CNTN1: variants seen among roughly 807,000 people sequenced by gnomAD.
CNTN1 encodes the protein contactin 1, also known as contactin-1.
Under a neutral mutation model 126.4 loss-of-function variants are expected in CNTN1, and 38 were observed. The observed-to-expected ratio is 0.30, with a 90% CI of 0.23 to 0.39. The LOEUF is 0.39. CNTN1 is among the 10% of genes least tolerant of loss of function. CNTN1 has a pLI of 1.00. For synonymous variants in CNTN1, 413 were observed against 422.6 expected (o/e 0.98, Z 0.28); for missense variants, 1,009 against 1,248.4 (o/e 0.81, Z 2.89).
At chr12:40,879,341 C>T (rs977173514) in intron 1 of CNTN1, among the ~76,000 whole-genome samples, 6 of 152,098 alleles carry the variant, frequency 3.9e-5, no homozygotes, top group African/African-American at 1.4e-4. Flanking sequence ...AAGTAAAGGC[C>T]ATTTCTCTGG....
intron 1 of CNTN1, among the ~76,000 whole-genome samples, chr12:40,805,497 A>C (rs1940815564): frequency 6.6e-6 from 1 of 152,098 alleles, no homozygotes; most frequent in Non-Finnish European, 1.5e-5. Flanking sequence ...CTTAAAAAAA[A>C]GTCTAGTACT....
At chr12:40,772,316 G>A (rs780868893) in intron 1 of CNTN1, among the ~76,000 whole-genome samples, 9 of 151,906 alleles carry the variant, frequency 5.9e-5, no homozygotes, top group Non-Finnish European at 4.4e-5. Flanking sequence ...AAGCAATCAC[G>A]CTCATTTGTT....
chr12:40,811,428 A>G (rs752949680), intron 1 of CNTN1, among the ~76,000 whole-genome samples: 2 of 152,156 alleles, frequency 1.3e-5, no homozygotes, highest in African/African-American at 4.8e-5. Flanking sequence ...CATTAAAATG[A>G]GTTTGAAAAT....
chr12:41,017,797 A>T (rs191491124), intron 19 of CNTN1, among the ~76,000 whole-genome samples: 98 of 152,242 alleles, frequency 6.4e-4, no homozygotes, highest in South Asian at 6.0e-3. Flanking sequence ...CTTGTTAAAA[A>T]TAATACCTTT....
At chr12:40,879,758 C>G (rs771254461) in intron 1 of CNTN1, among the ~76,000 whole-genome samples, 1 of 152,076 alleles carries the variant, frequency 6.6e-6, no homozygotes, top group Non-Finnish European at 1.5e-5. Context: ...ATGAAGTTCA[C>G]AGAGACACGT....
chr12:40,791,496 T>G (rs1009511111), intron 1 of CNTN1, among the ~76,000 whole-genome samples: 1 of 152,162 alleles, frequency 6.6e-6, no homozygotes, highest in African/African-American at 2.4e-5. Flanking sequence ...GATGAAGGGA[T>G]GTTGATTCAG....
chr12:40,773,989 G>A (rs1413374622), intron 1 of CNTN1, among the ~76,000 whole-genome samples: 12 of 151,234 alleles, frequency 7.9e-5, no homozygotes, highest in African/African-American at 2.9e-4. Context: ...TAAGCTCAAC[G>A]ACGGAAAAGA....
At chr12:40,951,748 A>G (rs1946695392) in intron 14 of CNTN1, among the ~76,000 whole-genome samples, 1 of 150,708 alleles carries the variant, frequency 6.6e-6, no homozygotes, top group African/African-American at 2.4e-5. Flanking sequence ...AAAAAGAAGA[A>G]AAGGAAAATG....
chr12:40,841,118 C>T (rs186707333), intron 1 of CNTN1, among the ~76,000 whole-genome samples: 28 of 151,954 alleles, frequency 1.8e-4, no homozygotes, highest in African/African-American at 6.3e-4. Flanking sequence ...GGATATATTA[C>T]AACAGATACC....
At chr12:41,066,945 A>G (rs1240828137) in intron 23 of CNTN1, among the ~76,000 whole-genome samples, 1 of 152,214 alleles carries the variant, frequency 6.6e-6, no homozygotes, top group Admixed American at 6.5e-5. Context: ...TGATTTGTTC[A>G]GGTTTAACAT....
At chr12:41,058,676 C>T (rs1000442865) in intron 23 of CNTN1, among the ~76,000 whole-genome samples, 3 of 152,020 alleles carry the variant, frequency 2.0e-5, no homozygotes, top group South Asian at 2.1e-4. Context: ...AAGGATGAGC[C>T]TTTTCAGAAA....
intron 16 of CNTN1, among the ~76,000 whole-genome samples, chr12:40,990,143 A>G (rs1277040993): frequency 6.6e-6 from 1 of 152,232 alleles, no homozygotes; most frequent in Non-Finnish European, 1.5e-5. Flanking sequence ...ATAACTATCT[A>G]CCAAAACATG....
chr12:40,812,946 T>G (rs1592114799), intron 1 of CNTN1, among the ~76,000 whole-genome samples: 1 of 139,628 alleles, frequency 7.2e-6, no homozygotes, highest in Non-Finnish European at 1.5e-5. Context: ...TTTGTTAATT[T>G]TTTTTTTTTT....
intron 1 of CNTN1, among the ~76,000 whole-genome samples, chr12:40,820,740 C>T (rs779187293): frequency 3.3e-5 from 5 of 152,238 alleles, no homozygotes; most frequent in South Asian, 4.1e-4. Flanking sequence ...AGAAGATTCA[C>T]GGGAAACCAT....
At chr12:41,044,928 A>G (rs1217966406) in intron 23 of CNTN1, among the ~76,000 whole-genome samples, 2 of 152,078 alleles carry the variant, frequency 1.3e-5, no homozygotes. Context: ...GGTTTGAGAA[A>G]CTTCGTTGTA....
intron 7 of CNTN1, among the ~76,000 whole-genome samples, chr12:40,933,108 C>T (rs1945952429): frequency 6.6e-6 from 1 of 151,728 alleles, no homozygotes; most frequent in East Asian, 1.9e-4. Flanking sequence ...TCTCCTTCTT[C>T]TCTTTCCTTC....
At chr12:40,911,248 T>C (rs1945019772) in intron 3 of CNTN1, among the ~76,000 whole-genome samples, 1 of 151,934 alleles carries the variant, frequency 6.6e-6, no homozygotes, top group African/African-American at 2.4e-5. Flanking sequence ...GCCCGGCTAA[T>C]TTTTTGTATT....
intron 1 of CNTN1, among the ~76,000 whole-genome samples, chr12:40,873,991 C>T (rs979786995): frequency 3.3e-5 from 5 of 152,078 alleles, no homozygotes; most frequent in African/African-American, 1.2e-4. Flanking sequence ...AAACCCATGT[C>T]TATTTGATTT....
At chr12:40,917,713 C>T (rs985884160) in intron 3 of CNTN1, among the ~76,000 whole-genome samples, 2 of 152,120 alleles carry the variant, frequency 1.3e-5, no homozygotes, top group African/African-American at 4.8e-5. Context: ...AGGCATATGG[C>T]TTTGCACTGT....
Sources: allele counts gnomAD v4.1 joint callset (sites outside exome capture counted in the v4.1 genomes callset), GRCh38; gene constraint gnomAD v4.1.1; transcripts MANE v1.5; gene names NCBI Gene and HGNC (gene_info 2026-07-23, HGNC 2026-07-21).